Variants in CAB39L observed in about 807,000 individuals in gnomAD.
The protein encoded by CAB39L is calcium binding protein 39 like, also known as calcium-binding protein 39-like.
CAB39L carries 23 observed loss-of-function variants against 39.1 expected under a neutral mutation model. The observed-to-expected ratio is 0.59, with a 90% CI of 0.42 to 0.83. CAB39L has a LOEUF of 0.83. CAB39L is among the 40% of genes least tolerant of loss of function. CAB39L has a pLI of 0.00. For synonymous variants in CAB39L, 126 were observed against 137.2 expected, an observed-to-expected ratio of 0.92 and a Z score of 0.57; for missense variants, 366 against 391.9, an observed-to-expected ratio of 0.93 and a Z score of 0.56.
At chr13:49,416,471 C>A (rs1448855274) in intron 3 of CAB39L, among the ~76,000 whole-genome samples, 4 of 152,192 alleles carry the variant, frequency 2.6e-5, no homozygotes, top group African/African-American at 9.7e-5. Context: ...TGGATTACAG[C>A]TCAGCAAACT....
chr13:49,331,948 T>C lies in CAB39L; in HGVS notation c.833A>G (p.Lys278Arg), dbSNP rs754399182. ...NIQFEAFHVFKVFVASPHKTQ... is the reference protein window; with the variant it reads ...NIQFEAFHVFRVFVASPHKTQ... ...GTTTCCAGAGCTTGTACTTTTTACC[T>C]TAAAAACATGAAAGGCTTCAAACTG... The change falls in exon 10 of 11, where the codon AAG becomes AGG. Residue 278 changes from lysine (K) to arginine (R), a missense_variant and splice_region_variant. Coordinates refer to ENST00000409308, the MANE Select transcript of CAB39L (RefSeq NM_001079670.3). 1.9e-6 allele frequency: 3 copies of C among 1,613,922 alleles called. No homozygotes were observed. The highest frequency in any genetic ancestry group is 2.5e-6 in the Non-Finnish European group (3 of 1,179,970).
intron 1 of CAB39L, 70 bp downstream of exon 1, chr13:49,443,916 C>G (rs1168832632): frequency 2.2e-6 from 1 of 456,736 alleles, no homozygotes; most frequent in Admixed American, 2.3e-5. Flanking sequence ...TACGGCCAGG[C>G]GCTATGTATG....
intron 10 of CAB39L, among the ~76,000 whole-genome samples, chr13:49,326,691 C>T (rs796570144): frequency 5.9e-5 from 9 of 152,206 alleles, no homozygotes; most frequent in African/African-American, 2.2e-4. Context: ...GGAACATAGC[C>T]GGGGTACGGG....
rs1026938475 is a variant in CAB39L, at chr13:49,309,094, C to A, written c.*1720G>T. ...CACTCATCTCTTTTAATTAAATAAG[C>A]GAAACCAGAAAAGTGCAATTCGAAG... On this transcript the variant is annotated 3_prime_UTR_variant, in exon 11 of 11. Coordinates refer to ENST00000409308, the MANE Select transcript of CAB39L (RefSeq NM_001079670.3). 6.6e-6 allele frequency: 1 copy of A among 152,150 alleles called. No individual in the cohort carries two copies. The highest frequency in any genetic ancestry group is 1.5e-5 in the Non-Finnish European group (1 of 68,030). 9.4% of individuals were successfully genotyped at this position (152,150 alleles called of 1,614,324 possible). A position where few individuals can be genotyped will look rare whatever the true frequency, so the allele number is the denominator to read the frequency against.
At chr13:49,339,867 T>G in intron 8 of CAB39L, 125 bp from the exon 9 acceptor site, 1 of 1,172,806 alleles carries the variant, frequency 8.5e-7, no homozygotes. Context: ...CTTCTTTACA[T>G]GTGAAGACAC....
chr13:49,351,826 A>G (rs1955366801), intron 6 of CAB39L, among the ~76,000 whole-genome samples: 1 of 152,158 alleles, frequency 6.6e-6, no homozygotes, highest in Non-Finnish European at 1.5e-5. Context: ...GTGAGGGAAT[A>G]AATTTGGAAA....
intron 10 of CAB39L, among the ~76,000 whole-genome samples, chr13:49,322,946 C>T (rs557277763): frequency 1.9e-4 from 29 of 152,352 alleles, no homozygotes; most frequent in African/African-American, 7.0e-4. Context: ...TTCTATGAAA[C>T]ATGTGCTCTG....
At chr13:49,331,844 AT>A in intron 10 of CAB39L, 102 bp downstream of exon 10, 1 of 1,086,994 alleles carries the variant, frequency 9.2e-7, no homozygotes, top group Non-Finnish European at 1.3e-6. Context: ...TGCCTATTTC[AT>A]TTTCTTTCAA....
chr13:49,353,344 C>T (rs1359626922), intron 6 of CAB39L, among the ~76,000 whole-genome samples: 1 of 152,056 alleles, frequency 6.6e-6, no homozygotes, highest in Non-Finnish European at 1.5e-5. Context: ...TGATAGAGTA[C>T]TCAAGAGAGT....
chr13:49,390,464 C>T (rs906431803), intron 3 of CAB39L, among the ~76,000 whole-genome samples: 2 of 152,112 alleles, frequency 1.3e-5, no homozygotes, highest in African/African-American at 4.8e-5. Context: ...GCTGCCAATA[C>T]CAACTAGTAC....
At chr13:49,385,966 T>G (rs565776897) in intron 3 of CAB39L, among the ~76,000 whole-genome samples, 4 of 152,030 alleles carry the variant, frequency 2.6e-5, no homozygotes, top group Admixed American at 1.3e-4. Flanking sequence ...ACCAATAGAC[T>G]TCCTCAATGC....
chr13:49,339,937 G>T (rs1954957818), intron 8 of CAB39L, among the ~76,000 whole-genome samples, 195 bp from the exon 9 acceptor site: 1 of 152,110 alleles, frequency 6.6e-6, no homozygotes. Flanking sequence ...TTTTAGTTCT[G>T]CAAATTAGAT....
intron 3 of CAB39L, among the ~76,000 whole-genome samples, chr13:49,407,737 G>A (rs1387718089): frequency 6.6e-6 from 1 of 151,202 alleles, no homozygotes; most frequent in African/African-American, 2.4e-5. Context: ...AAGAAAAAGT[G>A]TATTAAGGCC....
intron 4 of CAB39L, 25 bp from the exon 5 acceptor site, chr13:49,377,156 G>C: frequency 6.3e-7 from 1 of 1,592,002 alleles, no homozygotes. Context: ...GTATGCTAAC[G>C]GTTAAAAGAA....
intron 5 of CAB39L, among the ~76,000 whole-genome samples, chr13:49,371,452 C>G (rs142007371): frequency 1.3e-5 from 2 of 152,046 alleles, no homozygotes; most frequent in Non-Finnish European, 2.9e-5. Flanking sequence ...GGATTACAGA[C>G]GTAAGCCACC....
intron 5 of CAB39L, among the ~76,000 whole-genome samples, chr13:49,360,156 T>C (rs1439262371): frequency 1.3e-5 from 2 of 152,160 alleles, no homozygotes; most frequent in African/African-American, 4.8e-5. Flanking sequence ...TGTCTACCTT[T>C]ATGCAAGAAA....
chr13:49,380,522 C>T (rs1956231726), intron 4 of CAB39L, among the ~76,000 whole-genome samples: 1 of 152,104 alleles, frequency 6.6e-6, no homozygotes. Context: ...TAAGTAATGA[C>T]TACTAATGGC....
At chr13:49,441,197 A>G (rs1441094088) in intron 1 of CAB39L, among the ~76,000 whole-genome samples, 2 of 133,650 alleles carry the variant, frequency 1.5e-5, no homozygotes, top group African/African-American at 7.0e-5. Context: ...GCTTATTTTG[A>G]TGATTTTCTT....
chr13:49,338,417 C>T (rs974704499), intron 9 of CAB39L, among the ~76,000 whole-genome samples: 9 of 147,872 alleles, frequency 6.1e-5, no homozygotes, highest in South Asian at 4.3e-4. Flanking sequence ...AACCAAACAC[C>T]GCATATTCTC....
Sources: allele counts gnomAD v4.1 joint callset (sites outside exome capture counted in the v4.1 genomes callset), GRCh38; gene constraint gnomAD v4.1.1; transcripts MANE v1.5; gene names NCBI Gene and HGNC (gene_info 2026-07-23, HGNC 2026-07-21).